Variants in GPC5 observed in about 807,000 individuals in gnomAD.
GPC5 encodes glypican-5.
GPC5 carries 47 observed loss-of-function variants against 53.9 expected under a neutral mutation model. The observed-to-expected ratio is 0.87, with a 90% confidence interval of 0.69 to 1.11. GPC5 has a LOEUF of 1.11. Among genes scored for constraint, GPC5 ranks in the 50% most tolerant of loss-of-function variants. The pLI, the probability that GPC5 is intolerant of heterozygous loss-of-function variation, is 0.00. For missense variants in GPC5, 748 were observed against 713.1 expected (o/e 1.05, Z -0.56); for synonymous variants, 286 against 263.3 (o/e 1.09, Z -0.84).
intron 7 of GPC5, among the ~76,000 whole-genome samples, chr13:92,540,953 A>T (rs1881912679): frequency 1.3e-5 from 2 of 151,908 alleles, no homozygotes; most frequent in South Asian, 4.1e-4. Flanking sequence ...AGCTGGTTCT[A>T]AAATGTAAAT....
Position 92,469,258 on chromosome 13 carries a change from G to A in GPC5, c.1561+324269G>A, listed in dbSNP as rs556242573. Among the ~76,000 whole-genome samples, 352 of 151,946 alleles carry A rather than the reference G, an allele frequency of 2.3e-3. 3 individuals carry two copies. The South Asian group carries it at 0.03, about 13-fold the overall frequency. On this transcript the variant is annotated intron_variant, in intron 7 of 7. Coordinates refer to ENST00000377067, the MANE Select transcript of GPC5 (RefSeq NM_004466.6). ...GAATATCGCTCTGTCACCCAGGCTG[G>A]AGTGCAGTGGTGCGATCTCAGCTCA...
chr13:92,211,614 A>G lies in GPC5; in HGVS notation c.1561+66625A>G, dbSNP rs1313999278. On this transcript the variant is annotated intron_variant, in intron 7 of 7. Coordinates refer to ENST00000377067, the MANE Select transcript of GPC5 (RefSeq NM_004466.6). Reference sequence around the variant, plus strand: ...GCAGCAACATCGTCTGGGGACAGAAATGTGAATTCTTAGGATCTGGGACTT... The same window carrying G: ...GCAGCAACATCGTCTGGGGACAGAAGTGTGAATTCTTAGGATCTGGGACTT... Among the ~76,000 whole-genome samples, 4 of 152,350 alleles carry G rather than the reference A, an allele frequency of 2.6e-5. No individual in the cohort carries two copies. In the East Asian group the frequency reaches 7.7e-4, roughly 29 times the overall value.
At chr13:91,603,410 G>A (rs771271367) in intron 2 of GPC5, among the ~76,000 whole-genome samples, 4 of 152,228 alleles carry the variant, frequency 2.6e-5, no homozygotes, top group Non-Finnish European at 5.9e-5. Context: ...TTTGTCTCAT[G>A]GTATTAGTGA....
rs575553176 is a variant in GPC5 at position 92,543,814 on chromosome 13, G to T, written c.1562-322468G>T. On this transcript the variant is annotated intron_variant, in intron 7 of 7. Coordinates refer to ENST00000377067, the MANE Select transcript of GPC5 (RefSeq NM_004466.6). ...GAACTCTTTCTATATATTTAAAATTGACAAACGTTTAAGTGTTATTTTTTA... is the reference window on the plus strand; with the variant it reads ...GAACTCTTTCTATATATTTAAAATTTACAAACGTTTAAGTGTTATTTTTTA... Among the ~76,000 whole-genome samples, 7 of 151,934 alleles carry T rather than the reference G, an allele frequency of 4.6e-5. No individual in the cohort carries two copies. In the South Asian group the frequency reaches 1.5e-3, roughly 32 times the overall value.
At chr13:91,912,421 C>G (rs2039618051) in intron 6 of GPC5, among the ~76,000 whole-genome samples, 3 of 151,860 alleles carry the variant, frequency 2.0e-5, no homozygotes, top group South Asian at 4.2e-4. Flanking sequence ...TCTAGGAAAT[C>G]TGATGGAAAA....
intron 7 of GPC5, among the ~76,000 whole-genome samples, chr13:92,414,898 C>A (rs1876215396): frequency 6.6e-6 from 1 of 152,230 alleles, no homozygotes; most frequent in South Asian, 2.1e-4. Flanking sequence ...CTCCCAAGGC[C>A]CCACCTAATC....
intron 7 of GPC5, among the ~76,000 whole-genome samples, chr13:92,572,416 C>T (rs1883057679): frequency 1.3e-5 from 2 of 152,224 alleles, no homozygotes; most frequent in South Asian, 4.1e-4. Context: ...AAGCTGAATA[C>T]CATCATTCTT....
intron 7 of GPC5, among the ~76,000 whole-genome samples, chr13:92,180,477 C>G (rs1436643721): frequency 6.6e-6 from 1 of 151,360 alleles, no homozygotes; most frequent in African/African-American, 2.4e-5. Flanking sequence ...CAGTGGTCAC[C>G]TTTAAGTATT....
intron 7 of GPC5, among the ~76,000 whole-genome samples, chr13:92,863,946 A>G (rs1202218222): frequency 6.6e-6 from 1 of 152,232 alleles, no homozygotes; most frequent in African/African-American, 2.4e-5. Flanking sequence ...GCTGTTATGC[A>G]TATAAGAGTA....
intron 6 of GPC5, among the ~76,000 whole-genome samples, chr13:91,908,591 T>A (rs1005873619): frequency 6.6e-6 from 1 of 152,148 alleles, no homozygotes; most frequent in Admixed American, 6.6e-5. Context: ...TTCAATAATG[T>A]TTTTCATCAA....
chr13:91,441,138 C>T (rs1880390204), intron 1 of GPC5, among the ~76,000 whole-genome samples: 1 of 151,598 alleles, frequency 6.6e-6, no homozygotes, highest in South Asian at 2.1e-4. Context: ...CCTCTTCAGA[C>T]TCTCCTCTTT....
intron 2 of GPC5, among the ~76,000 whole-genome samples, chr13:91,626,196 C>T (rs1473652099): frequency 6.6e-6 from 1 of 152,154 alleles, no homozygotes; most frequent in Non-Finnish European, 1.5e-5. Context: ...AAATTCTATA[C>T]TTCAAGGTTA....
chr13:92,761,395 G>A (rs1013965905), intron 7 of GPC5, among the ~76,000 whole-genome samples: 1 of 152,154 alleles, frequency 6.6e-6, no homozygotes, highest in Non-Finnish European at 1.5e-5. Context: ...ATTTATAATT[G>A]TTACGCCCTC....
chr13:91,600,378 T>C (rs2033142546), intron 2 of GPC5, among the ~76,000 whole-genome samples: 1 of 151,690 alleles, frequency 6.6e-6, no homozygotes, highest in Non-Finnish European at 1.5e-5. Context: ...TATAGACATG[T>C]ATATAAAGAC....
intron 6 of GPC5, among the ~76,000 whole-genome samples, chr13:92,045,117 T>C (rs900341549): frequency 2.6e-5 from 4 of 152,190 alleles, no homozygotes; most frequent in African/African-American, 9.6e-5. Context: ...TTTCCCTCCA[T>C]AGAACTTGTA....
chr13:92,866,333 A>G lies in GPC5; in HGVS notation c.1613A>G (p.Asp538Gly). ...FSDVKQIHQT[D>G]TGSTLDTTGA... Reference sequence around the variant, plus strand: ...GATGTAAAGCAAATCCATCAAACAGACACTGGCAGTACTTTAGACACAACA... The same window carrying G: ...GATGTAAAGCAAATCCATCAAACAGGCACTGGCAGTACTTTAGACACAACA... The change falls in exon 8 of 8, where the codon GAC becomes GGC. Residue 538 changes from aspartate to glycine, a missense_variant. By Grantham distance (94) the Asp-to-Gly change is moderately conservative. Coordinates refer to ENST00000377067, the MANE Select transcript of GPC5 (RefSeq NM_004466.6). The G allele has an allele frequency of 1.9e-6, 3 of 1,613,054 alleles. No individual in the cohort carries two copies. Among genetic ancestry groups the G allele is most frequent in the Non-Finnish European group, 2.5e-6 (3 of 1,179,302 alleles).
chr13:91,700,070 T>G (rs993153515), intron 3 of GPC5, among the ~76,000 whole-genome samples: 2 of 152,228 alleles, frequency 1.3e-5, no homozygotes, highest in Non-Finnish European at 2.9e-5. Flanking sequence ...TTTCAGCCTC[T>G]GCTGGTAGGA....
intron 2 of GPC5, among the ~76,000 whole-genome samples, chr13:91,571,806 CACACAT>C (rs1566515324): frequency 5.1e-5 from 6 of 118,796 alleles, no homozygotes; most frequent in South Asian, 2.5e-4. Context: ...TATATATACA[CACACAT>C]ACGTGTGTGT....
At chr13:92,250,519 G>A (rs2042684916) in intron 7 of GPC5, among the ~76,000 whole-genome samples, 1 of 152,068 alleles carries the variant, frequency 6.6e-6, no homozygotes, top group African/African-American at 2.4e-5. Flanking sequence ...CTATGGTGAA[G>A]CTGTGGGTTT....
Sources: allele counts gnomAD v4.1 joint callset (sites outside exome capture counted in the v4.1 genomes callset), GRCh38; gene constraint gnomAD v4.1.1; transcripts MANE v1.5; gene names NCBI Gene and HGNC (gene_info 2026-07-23, HGNC 2026-07-21).